Variants in SAMD8 observed in about 807,000 individuals in gnomAD.
SAMD8 encodes sphingomyelin synthase-related protein 1.
Under a neutral mutation model 42.0 loss-of-function variants are expected in SAMD8, and 20 were observed. The observed-to-expected ratio is 0.48, with a 90% CI of 0.34 to 0.69. The LOEUF (loss-of-function observed/expected upper bound fraction) is 0.69, where lower values mean the gene tolerates loss of function less well. SAMD8 is among the 30% of genes least tolerant of loss of function. SAMD8 has a pLI of 0.01. For missense variants in SAMD8, 328 were observed against 511.6 expected (o/e 0.64, Z 3.46); for synonymous variants, 162 against 173.0 (o/e 0.94, Z 0.50).
At chr10:75,122,985 TA>T (rs2134430480) in intron 1 of SAMD8, among the ~76,000 whole-genome samples, 1 of 152,344 alleles carries the variant, frequency 6.6e-6, no homozygotes, top group South Asian at 2.1e-4. Context: ...ATTAATTTTA[TA>T]TATTGCTGAA....
chr10:75,162,261 A>G (rs184903194), intron 2 of SAMD8, among the ~76,000 whole-genome samples: 1 of 152,316 alleles, frequency 6.6e-6, no homozygotes, highest in Admixed American at 6.5e-5. Flanking sequence ...CGGGAGACTG[A>G]AGCACGAGAA....
chr10:75,156,764 C>T (rs1743411636), intron 2 of SAMD8, among the ~76,000 whole-genome samples: 2 of 151,972 alleles, frequency 1.3e-5, no homozygotes, highest in African/African-American at 4.8e-5. Context: ...CAGGCAAAAT[C>T]CAGGGGGAAA....
In SAMD8 at chr10:75,176,480, T is replaced by A; in HGVS notation, c.1036T>A (p.Ser346Thr). The A allele has an allele frequency of 6.4e-7, 1 of 1,551,186 alleles. No individual in the cohort carries two copies. The highest frequency in any genetic ancestry group is 8.7e-7 in the Non-Finnish European group (1 of 1,147,110). The change falls in exon 6 of 6, where the codon TCT becomes ACT. Residue 346 changes from serine to threonine, a missense_variant. Ser to Thr is a moderately conservative substitution (Grantham distance 58, BLOSUM62 1). Coordinates refer to ENST00000542569, the MANE Select transcript of SAMD8 (RefSeq NM_001174156.2). The surrounding 1 kb of genome is among the most constrained non-coding windows in gnomAD (Gnocchi z 4.3). The stretch of plus-strand genomic sequence containing the variant: ...CATCTTGGCTGCCCATGAACATTAT[T>A]CTATTGATGTGTTTATTGCTTTTTA... ...FFILAAHEHY[S>T]IDVFIAFYIT...
intron 1 of SAMD8, among the ~76,000 whole-genome samples, chr10:75,106,336 G>A (rs1170892721): frequency 1.3e-5 from 2 of 151,756 alleles, no homozygotes; most frequent in African/African-American, 2.4e-5. Flanking sequence ...GGAGGAACTT[G>A]CAGTTCCTTG....
chr10:75,114,171 A>G (rs529530027), intron 1 of SAMD8, among the ~76,000 whole-genome samples: 33 of 152,026 alleles, frequency 2.2e-4, no homozygotes, highest in Non-Finnish European at 4.3e-4. Flanking sequence ...CCCCATCTCT[A>G]CTAATACTAT....
intron 4 of SAMD8, among the ~76,000 whole-genome samples, chr10:75,174,408 C>G (rs1205067623): frequency 6.8e-6 from 1 of 147,478 alleles, no homozygotes; most frequent in Admixed American, 6.8e-5. Flanking sequence ...GGATTACAGG[C>G]GTGAGCCACC....
chr10:75,105,645 C>A (rs1338358697), intron 1 of SAMD8: 1 of 1,545,670 alleles, frequency 6.5e-7, no homozygotes, highest in African/African-American at 1.4e-5. Context: ...TCCAGCTTTG[C>A]CCCCTGAGGC....
intron 1 of SAMD8, among the ~76,000 whole-genome samples, chr10:75,130,908 T>C (rs1409131126): frequency 6.6e-6 from 1 of 152,232 alleles, no homozygotes; most frequent in Non-Finnish European, 1.5e-5. Context: ...AAAGATAAAG[T>C]GCTCAGAATA....
At chr10:75,131,859 A>C (rs1589945070) in intron 1 of SAMD8, among the ~76,000 whole-genome samples, 1 of 152,324 alleles carries the variant, frequency 6.6e-6, no homozygotes, top group African/African-American at 2.4e-5. Flanking sequence ...ACATCTTGGC[A>C]TCTCAAGCCT....
intron 4 of SAMD8, among the ~76,000 whole-genome samples, chr10:75,170,266 A>G (rs1840818194): frequency 6.6e-6 from 1 of 152,200 alleles, no homozygotes; most frequent in Non-Finnish European, 1.5e-5. Flanking sequence ...TATTCAAATA[A>G]ATGTATGTGT....
intron 1 of SAMD8, among the ~76,000 whole-genome samples, chr10:75,117,298 C>T (rs560576335): frequency 6.6e-6 from 1 of 151,722 alleles, no homozygotes; most frequent in South Asian, 2.1e-4. Flanking sequence ...TGGTGTGCAC[C>T]TATAGTCCCA....
intron 4 of SAMD8, among the ~76,000 whole-genome samples, chr10:75,174,712 C>T (rs548084132): frequency 5.9e-5 from 9 of 151,856 alleles, no homozygotes; most frequent in Middle Eastern, 3.4e-3. Flanking sequence ...GGATTATAGG[C>T]GTGAGCCACC....
intron 1 of SAMD8, among the ~76,000 whole-genome samples, chr10:75,133,237 CA>C (rs57204459): frequency 0.55 from 83,927 of 151,358 alleles, 25,122 homozygotes; most frequent in East Asian, 0.9. Context: ...CCCATCTCTA[CA>C]AAAAAAATAC....
chr10:75,108,401 C>G (rs996052631), upstream of SAMD8: 3 of 1,036,430 alleles, frequency 2.9e-6, no homozygotes, highest in Non-Finnish European at 4.0e-6. Flanking sequence ...GCTGAGCCGG[C>G]GGTGTGTGTG....
Position 75,181,666 on chromosome 10 carries a change from G to T in SAMD8, c.*4974G>T, listed in dbSNP as rs1025662133. ...GAAAGAACACTATGGTAATTTCATT[G>T]TTACTTCAGGTCTCTTTCAATCTGA... On this transcript the variant is annotated 3_prime_UTR_variant, in exon 6 of 6. Transcript: ENST00000542569. 1.2e-4 allele frequency: 18 copies of T among 152,150 alleles called. No homozygotes were observed. The highest frequency in any genetic ancestry group is 2.4e-4 in the Non-Finnish European group (16 of 68,018). 9.4% of individuals were successfully genotyped at this position (152,150 alleles called of 1,614,324 possible).
intron 2 of SAMD8, among the ~76,000 whole-genome samples, chr10:75,159,517 C>T (rs1389279245): frequency 6.6e-6 from 1 of 152,126 alleles, no homozygotes; most frequent in African/African-American, 2.4e-5. Context: ...TCTATATCCC[C>T]TCAGATCCCT....
At chr10:75,128,098 A>G (rs1160775245) in intron 1 of SAMD8, among the ~76,000 whole-genome samples, 1 of 129,168 alleles carries the variant, frequency 7.7e-6, no homozygotes, top group Non-Finnish European at 1.6e-5. Flanking sequence ...TTTTTTTGAG[A>G]CAGAGTCGCT....
At chr10:75,155,200 A>T (rs1840382907) in intron 2 of SAMD8, among the ~76,000 whole-genome samples, 1 of 152,138 alleles carries the variant, frequency 6.6e-6, no homozygotes. Context: ...GCCTATTCCA[A>T]GATTTTTAAC....
chr10:75,111,706 C>T lies in SAMD8; in HGVS notation c.-32C>T. The T allele has an allele frequency of 1.6e-6, 2 of 1,234,486 alleles. No homozygotes were observed. Among genetic ancestry groups the T allele is most frequent in the Non-Finnish European group, 2.0e-6 (2 of 989,176 alleles). The allele number at this position is 1,234,486 out of a possible 1,614,324, so 76.5% of individuals were successfully genotyped here. A position where few individuals can be genotyped will look rare whatever the true frequency, so the allele number is the denominator to read the frequency against. The stretch of plus-strand genomic sequence containing the variant: ...GACTCGGAGGTGGGTCCGGGGAGCC[C>T]GACTCGGACCGCGGAGGTGAGCGGG... On this transcript the variant is annotated 5_prime_UTR_variant, in exon 1 of 6. Coordinates refer to ENST00000542569, the MANE Select transcript of SAMD8 (RefSeq NM_001174156.2).
Sources: allele counts gnomAD v4.1 joint callset (sites outside exome capture counted in the v4.1 genomes callset), GRCh38; gene constraint gnomAD v4.1.1; non-coding constraint Gnocchi (gnomAD v3.1); transcripts MANE v1.5; gene names NCBI Gene and HGNC (gene_info 2026-07-23, HGNC 2026-07-21).